The following ASCC3 variants were observed in gnomAD, a reference collection of about 807,000 sequenced individuals.
ASCC3 encodes the protein activating signal cointegrator 1 complex subunit 3.
A neutral mutation model predicts 256.3 loss-of-function variants in ASCC3; 158 were observed. The observed-to-expected ratio is 0.62, with a 90% CI of 0.54 to 0.70. The LOEUF (loss-of-function observed/expected upper bound fraction) is 0.70. Ranked by LOEUF, ASCC3 falls within the 30% of genes least tolerant of loss-of-function variation. The pLI is 0.00. For missense variants in ASCC3, 2,259 were observed against 2,626.0 expected (o/e 0.86, Z 3.05); for synonymous variants, 948 against 883.4 (o/e 1.07, Z -1.30).
intron 34 of ASCC3, among the ~76,000 whole-genome samples, chr6:100,600,782 T>C (rs1772569053): frequency 6.6e-6 from 1 of 152,102 alleles, no homozygotes; most frequent in Non-Finnish European, 1.5e-5. Context: ...GCTTCCTAAC[T>C]GGCCTTCCTG....
intron 10 of ASCC3, among the ~76,000 whole-genome samples, chr6:100,741,698 G>T (rs1241446333): frequency 6.6e-6 from 1 of 152,158 alleles, no homozygotes; most frequent in Non-Finnish European, 1.5e-5. Context: ...TGAGTGTATT[G>T]TGAAGTTCTC....
At chr6:100,674,397 G>A (rs1295410971) in intron 14 of ASCC3, among the ~76,000 whole-genome samples, 1 of 151,904 alleles carries the variant, frequency 6.6e-6, no homozygotes, top group East Asian at 1.9e-4. Context: ...ATATAAAGAT[G>A]TAGATATTAA....
At chr6:100,615,083 T>C (rs905357784) in intron 30 of ASCC3, among the ~76,000 whole-genome samples, 8 of 152,064 alleles carry the variant, frequency 5.3e-5, no homozygotes, top group African/African-American at 1.9e-4. Flanking sequence ...TGGCGTGATT[T>C]TGGCTCACAG....
At chr6:100,646,593 T>A in intron 22 of ASCC3, 22 bp downstream of exon 22, 1 of 1,613,878 alleles carries the variant, frequency 6.2e-7, no homozygotes, top group Non-Finnish European at 8.5e-7. Context: ...TTAACACAGA[T>A]ATAGCCGTTT....
intron 13 of ASCC3, among the ~76,000 whole-genome samples, chr6:100,705,707 TA>T (rs1275565241): frequency 6.6e-6 from 1 of 151,880 alleles, no homozygotes; most frequent in African/African-American, 2.4e-5. Context: ...AAAATTCAAT[TA>T]GTTTACTTAG....
chr6:100,873,243 A>G (rs1773837108), intron 1 of ASCC3, among the ~76,000 whole-genome samples: 1 of 152,200 alleles, frequency 6.6e-6, no homozygotes, highest in Admixed American at 6.5e-5. Flanking sequence ...AATCCTCTGG[A>G]AAGTCTCAGC....
intron 3 of ASCC3, 35 bp downstream of exon 3, chr6:100,864,029 C>G (rs1562353765): frequency 1.4e-6 from 2 of 1,419,650 alleles, no homozygotes; most frequent in East Asian, 2.5e-5. Context: ...TACTGGTTCT[C>G]TTTAAAAAAA....
rs1281478260 is a variant in ASCC3 at position 100,522,116 on chromosome 6, ATACCCCTT to A, written c.5776-3982_5776-3975del. ...AACATTAACATTAGGCAAATACTTA[ATACCCCTT>A]TACCTCTTATCCACTTTCTACTTGA... On this transcript the variant is annotated intron_variant, in intron 37 of 41. Transcript: ENST00000369162. Among the ~76,000 whole-genome samples the A allele has an allele frequency of 6.6e-5, 10 of 152,118 alleles. No homozygotes were observed. The South Asian group carries it at 2.1e-3, about 32-fold the overall frequency.
chr6:100,643,862 C>T (rs1775250009), intron 23 of ASCC3, among the ~76,000 whole-genome samples, 169 bp downstream of exon 23: 1 of 151,106 alleles, frequency 6.6e-6, no homozygotes, highest in South Asian at 2.1e-4. Context: ...ATTGAATATA[C>T]CAATACTATA....
rs537597469 is a variant in ASCC3 at position 100,861,852 on chromosome 6, T to C, written c.241+2212A>G. 1.3e-5 allele frequency among the ~76,000 whole-genome samples: 2 copies of C among 152,282 alleles called. 1 individual carries two copies. The highest frequency in any genetic ancestry group is 4.1e-4 in the South Asian group (2 of 4,826). ...GGTATTTAAAACAATCTTTTTTGAC[T>C]TGTGGCCAGAGATAGCCAGAGAAAG... On this transcript the variant is annotated intron_variant, in intron 3 of 41. Transcript: ENST00000369162.
At chr6:100,656,383 G>A (rs889801633) in intron 16 of ASCC3, among the ~76,000 whole-genome samples, 2 of 151,500 alleles carry the variant, frequency 1.3e-5, no homozygotes, top group African/African-American at 4.8e-5. Context: ...TGTTTTGCAC[G>A]AAACAAAGCA....
At chr6:100,711,100 G>T (rs1403962865) in intron 13 of ASCC3, among the ~76,000 whole-genome samples, 5 of 152,102 alleles carry the variant, frequency 3.3e-5, no homozygotes, top group Non-Finnish European at 7.4e-5. Context: ...CTCTAAAAAA[G>T]TAACTTATTC....
intron 4 of ASCC3, among the ~76,000 whole-genome samples, chr6:100,826,452 T>G (rs1287359259): frequency 6.6e-6 from 1 of 152,160 alleles, no homozygotes; most frequent in Non-Finnish European, 1.5e-5. Context: ...TACATAATAT[T>G]TTTTAAGTCT....
chr6:100,530,129 G>T, intron 37 of ASCC3: 1 of 545,188 alleles, frequency 1.8e-6, no homozygotes. Context: ...TCTAATCAGT[G>T]TACACTGTCA....
chr6:100,822,025 G>A (rs72947057), intron 4 of ASCC3, among the ~76,000 whole-genome samples: 6,020 of 152,132 alleles, frequency 0.04, 146 homozygotes, highest in African/African-American at 0.057. Context: ...GGGAGAAGGA[G>A]AATGGAAGAT....
Position 100,747,097 on chromosome 6 carries a change from G to A in ASCC3, c.1737+19468C>T, listed in dbSNP as rs1295138529. ...TTGAAATATTTTAGACAGGGCAAAA[G>A]ACTTGAATACACACAACACCAAAGA... On this transcript the variant is annotated intron_variant, in intron 10 of 41. Coordinates refer to ENST00000369162, the MANE Select transcript of ASCC3 (RefSeq NM_006828.4). Among the ~76,000 whole-genome samples, 4 of 148,972 alleles carry A rather than the reference G, an allele frequency of 2.7e-5. No homozygotes were observed. In the South Asian group the frequency reaches 8.5e-4, roughly 32 times the overall value.
intron 13 of ASCC3, among the ~76,000 whole-genome samples, chr6:100,696,058 CTTTA>C (rs751463998): frequency 1.3e-5 from 2 of 152,260 alleles, no homozygotes; most frequent in South Asian, 2.1e-4. Flanking sequence ...GAAATGCCCA[CTTTA>C]TTTACCATAA....
chr6:100,763,407 C>A lies in ASCC3; in HGVS notation c.1737+3158G>T, dbSNP rs201056721. ...GAGTCTAGCAAAGTGCAAAAATGGG[C>A]AAATGGGTAAGAAATAGATGTTCAT... On this transcript the variant is annotated intron_variant, in intron 10 of 41. Coordinates refer to ENST00000369162, the MANE Select transcript of ASCC3 (RefSeq NM_006828.4). Among the ~76,000 whole-genome samples the A allele has an allele frequency of 1.4e-4, 22 of 152,190 alleles. No homozygotes were observed. In the East Asian group the frequency reaches 3.9e-3, roughly 27 times the overall value.
chr6:100,625,337 G>A lies in ASCC3; in HGVS notation c.4643-3C>T. ...GGCTGGAGAATGGCTTCTAATTGCTGTTGAAAAGTTGTGGGAAATAAAATG... is the reference window on the plus strand; with the variant it reads ...GGCTGGAGAATGGCTTCTAATTGCTATTGAAAAGTTGTGGGAAATAAAATG... On this transcript the variant is annotated splice_polypyrimidine_tract_variant and splice_region_variant and intron_variant, in intron 29 of 41. Coordinates refer to ENST00000369162, the MANE Select transcript of ASCC3 (RefSeq NM_006828.4). The A allele has an allele frequency of 6.2e-7, 1 of 1,612,144 alleles. No individual in the cohort carries two copies. The highest frequency in any genetic ancestry group is 8.5e-7 in the Non-Finnish European group (1 of 1,178,642).
Sources: gnomAD v4.1 joint callset for allele counts (sites outside exome capture counted in the v4.1 genomes callset) on GRCh38, gnomAD v4.1.1 for gene constraint, MANE v1.5 for transcripts, NCBI Gene and HGNC (gene_info 2026-07-23, HGNC 2026-07-21) for gene names.